FSTL5: variants seen among roughly 807,000 people sequenced by gnomAD.
FSTL5 encodes follistatin like 5, also known as follistatin-related protein 5.
A neutral mutation model predicts 89.1 loss-of-function variants in FSTL5; 62 were observed. The observed-to-expected ratio is 0.70, with a 90% CI of 0.57 to 0.86. The LOEUF (loss-of-function observed/expected upper bound fraction) is 0.86. Ranked by LOEUF, FSTL5 falls within the 40% of genes least tolerant of loss-of-function variation. The pLI is 0.00. For synonymous variants in FSTL5, 383 were observed against 346.2 expected, an observed-to-expected ratio of 1.11 and a Z score of -1.18; for missense variants, 1,057 against 1,001.6, an observed-to-expected ratio of 1.06 and a Z score of -0.75.
At chr4:162,129,130 G>A (rs992722165) in intron 1 of FSTL5, among the ~76,000 whole-genome samples, 20 of 152,052 alleles carry the variant, frequency 1.3e-4, no homozygotes, top group East Asian at 3.9e-4. Flanking sequence ...ACAGGGTTTC[G>A]CCATGTTGAC....
chr4:161,505,164 A>G (rs952071691), intron 11 of FSTL5, among the ~76,000 whole-genome samples: 2 of 152,252 alleles, frequency 1.3e-5, no homozygotes, highest in African/African-American at 4.8e-5. Flanking sequence ...GAAATCTCCC[A>G]TCTTTAGATA....
chr4:161,549,246 T>C (rs1434248466), intron 8 of FSTL5, among the ~76,000 whole-genome samples: 1 of 151,764 alleles, frequency 6.6e-6, no homozygotes, highest in Admixed American at 6.6e-5. Context: ...TTTGAGTCTT[T>C]GTTTTCTTAT....
At chr4:161,624,179 C>T (rs187175207) in intron 7 of FSTL5, among the ~76,000 whole-genome samples, 406 of 152,076 alleles carry the variant, frequency 2.7e-3, no homozygotes, top group Middle Eastern at 6.8e-3. Context: ...TTTTGCTTGC[C>T]TACCAAATTG....
intron 7 of FSTL5, among the ~76,000 whole-genome samples, chr4:161,630,933 C>T (rs1735483106): frequency 6.6e-6 from 1 of 152,130 alleles, no homozygotes; most frequent in Non-Finnish European, 1.5e-5. Flanking sequence ...GTTTTCTTAA[C>T]AGGAATCTGA....
At chr4:161,633,787 A>AAAACAG (rs1735585700) in intron 7 of FSTL5, among the ~76,000 whole-genome samples, 1 of 152,222 alleles carries the variant, frequency 6.6e-6, no homozygotes, top group Non-Finnish European at 1.5e-5. Flanking sequence ...CAAAGCAAAT[A>AAAACAG]TAAAATGAGC....
chr4:161,567,877 T>G (rs1400829767), intron 8 of FSTL5, among the ~76,000 whole-genome samples: 1 of 152,084 alleles, frequency 6.6e-6, no homozygotes, highest in Non-Finnish European at 1.5e-5. Context: ...TATTGCTAAC[T>G]TAATTTCTAA....
At chr4:161,883,565 A>G (rs760801034) in intron 4 of FSTL5, among the ~76,000 whole-genome samples, 19 of 152,068 alleles carry the variant, frequency 1.2e-4, no homozygotes, top group Non-Finnish European at 2.4e-4. Flanking sequence ...CCTCTGGGAT[A>G]ATAAAAGTGT....
Position 161,999,500 on chromosome 4 carries a change from G to A in FSTL5, c.160+34125C>T, listed in dbSNP as rs75900696. Among the ~76,000 whole-genome samples, 599 of 152,024 alleles carry A rather than the reference G, an allele frequency of 3.9e-3. 2 individuals carry two copies. The highest frequency in any genetic ancestry group is 0.013 in the African/African-American group (547 of 41,484). On this transcript the variant is annotated intron_variant, in intron 3 of 15. Transcript: ENST00000306100. ...TTAATTGATCTTGAAATATCCTTTC[G>A]TGTAGAGTAAATCTCTTTTTAATTG...
intron 2 of FSTL5, among the ~76,000 whole-genome samples, chr4:162,103,776 C>A (rs1390436719): frequency 1.3e-5 from 2 of 152,180 alleles, no homozygotes; most frequent in Non-Finnish European, 2.9e-5. Flanking sequence ...GTGACAGCAT[C>A]CACCTTTAAA....
chr4:161,696,104 A>G (rs1229723050), intron 6 of FSTL5, among the ~76,000 whole-genome samples: 1 of 152,200 alleles, frequency 6.6e-6, no homozygotes, highest in African/African-American at 2.4e-5. Flanking sequence ...CTTAGGTTTA[A>G]GTCATTAATT....
intron 4 of FSTL5, among the ~76,000 whole-genome samples, chr4:161,883,403 T>C (rs1384829927): frequency 6.6e-6 from 1 of 152,206 alleles, no homozygotes; most frequent in Non-Finnish European, 1.5e-5. Flanking sequence ...TTATGTCTTT[T>C]ATTCATCACA....
At chr4:161,595,469 G>T (rs1300163410) in intron 7 of FSTL5, among the ~76,000 whole-genome samples, 3 of 152,016 alleles carry the variant, frequency 2.0e-5, no homozygotes, top group Non-Finnish European at 4.4e-5. Context: ...AGAGTTGATA[G>T]GAGAAAAAAC....
At chr4:162,001,560 T>C (rs899328683) in intron 3 of FSTL5, among the ~76,000 whole-genome samples, 1 of 151,646 alleles carries the variant, frequency 6.6e-6, no homozygotes, top group African/African-American at 2.4e-5. Context: ...GTCAGTTGGA[T>C]AACATACATA....
At chr4:161,418,478 T>C (rs1731865008) in intron 15 of FSTL5, among the ~76,000 whole-genome samples, 1 of 152,218 alleles carries the variant, frequency 6.6e-6, no homozygotes. Flanking sequence ...ATTTTTGATC[T>C]GCAAATATTT....
chr4:161,434,723 G>GA lies in FSTL5; in HGVS notation c.1841+20280dup, dbSNP rs70937650. ...ATAAGAAGCTCAAAAAACTCTATAA[G>GA]AAAAAAAAAATCTAATAATCCAGTT... On this transcript the variant is annotated intron_variant, in intron 15 of 15. Transcript: ENST00000306100. 7.9e-3 allele frequency among the ~76,000 whole-genome samples: 1,196 copies of GA among 150,490 alleles called. 13 individuals carry two copies. The highest frequency in any genetic ancestry group is 0.027 in the African/African-American group (1,097 of 40,912).
intron 10 of FSTL5, among the ~76,000 whole-genome samples, chr4:161,511,433 A>G (rs12511075): frequency 0.28 from 42,243 of 152,028 alleles, 6,142 homozygotes; most frequent in South Asian, 0.33. Context: ...AATGACATTT[A>G]TTCAAACATA....
intron 3 of FSTL5, among the ~76,000 whole-genome samples, chr4:161,941,461 G>C (rs1033872967): frequency 6.6e-6 from 1 of 151,820 alleles, no homozygotes; most frequent in Non-Finnish European, 1.5e-5. Flanking sequence ...AACATTCTGT[G>C]TAAGTAAGCA....
chr4:162,088,433 C>T (rs72693254), intron 2 of FSTL5, among the ~76,000 whole-genome samples: 5,160 of 151,970 alleles, frequency 0.034, 124 homozygotes, highest in Non-Finnish European at 0.047. Flanking sequence ...AAAAAAGAGC[C>T]ATTGACTTAG....
In FSTL5 at chr4:162,012,387, T is replaced by C. The variant is rs182340726; in HGVS notation, c.160+21238A>G. 5.3e-3 allele frequency among the ~76,000 whole-genome samples: 802 copies of C among 152,312 alleles called. 7 individuals are homozygous for C. Among genetic ancestry groups the C allele is most frequent in the African/African-American group, 0.018 (761 of 41,570 alleles). On this transcript the variant is annotated intron_variant, in intron 3 of 15. Coordinates refer to ENST00000306100, the MANE Select transcript of FSTL5 (RefSeq NM_020116.5). ...GTTATTAGAATTTTATTCTTTTGCA[T>C]TGATATAACCTTAGATATCTGAAGA...
Sources: gnomAD v4.1 joint callset for allele counts (sites outside exome capture counted in the v4.1 genomes callset) on GRCh38, gnomAD v4.1.1 for gene constraint, MANE v1.5 for transcripts, NCBI Gene and HGNC (gene_info 2026-07-23, HGNC 2026-07-21) for gene names.